SESTD1: variants seen among roughly 807,000 people sequenced by gnomAD.
SESTD1 encodes the protein SEC14 domain and spectrin repeat-containing protein 1.
A neutral mutation model predicts 101.7 loss-of-function variants in SESTD1; 43 were observed. The ratio of observed to expected loss-of-function variants is 0.42; its 90% CI spans 0.33 to 0.55. The LOEUF is 0.55. Ranked by LOEUF, SESTD1 falls within the 20% of genes least tolerant of loss-of-function variation. The pLI, the probability that SESTD1 is intolerant of heterozygous loss-of-function variation, is 0.07. For missense variants in SESTD1, 647 were observed against 815.1 expected (o/e 0.79, Z 2.51); for synonymous variants, 283 against 286.8 (o/e 0.99, Z 0.13).
At chr2:179,116,091 T>C (rs1426101800) in intron 15 of SESTD1, among the ~76,000 whole-genome samples, 1 of 152,052 alleles carries the variant, frequency 6.6e-6, no homozygotes, top group South Asian at 2.1e-4. Flanking sequence ...CTGGCCAACA[T>C]GGTGAAACCC....
At position 179,129,354 on chromosome 2, in the gene SESTD1, A is replaced by C. The variant is rs1295596408; in HGVS notation, c.972+2950T>G. Among the ~76,000 whole-genome samples, 8 of 152,348 alleles carry C rather than the reference A, an allele frequency of 5.3e-5. No homozygotes were observed. The East Asian group carries it at 1.5e-3, about 29-fold the overall frequency. ...CTAAACTGCTTTTAAATTTATTGTCAGTTACTATAACCATTTTCATGTACC... is the reference window on the plus strand; with the variant it reads ...CTAAACTGCTTTTAAATTTATTGTCCGTTACTATAACCATTTTCATGTACC... On this transcript the variant is annotated intron_variant, in intron 10 of 17. Transcript: ENST00000428443.
intron 1 of SESTD1, among the ~76,000 whole-genome samples, chr2:179,204,771 CAG>C (rs1401320453): frequency 7.4e-6 from 1 of 134,738 alleles, no homozygotes; most frequent in Non-Finnish European, 1.6e-5. Flanking sequence ...ACACAGTAAA[CAG>C]GGCAAATAAA....
chr2:179,195,112 T>C (rs1267681909), intron 1 of SESTD1, among the ~76,000 whole-genome samples: 3 of 152,216 alleles, frequency 2.0e-5, no homozygotes, highest in Admixed American at 6.5e-5. Context: ...CTTCTCCAAG[T>C]AAGTGTTCTT....
chr2:179,124,216 A>C, intron 11 of SESTD1, 148 bp downstream of exon 11: 1 of 741,316 alleles, frequency 1.3e-6, no homozygotes. Context: ...AAAAAAAATC[A>C]AAGAATTTTA....
intron 1 of SESTD1, among the ~76,000 whole-genome samples, chr2:179,231,718 TAAAA>T (rs35589081): frequency 9.7e-6 from 1 of 103,010 alleles, no homozygotes; most frequent in Admixed American, 9.9e-5. Context: ...ACCAAAAAGC[TAAAA>T]AAAAAAAAAA....
At chr2:179,163,488 A>G (rs2045778331) in intron 5 of SESTD1, among the ~76,000 whole-genome samples, 1 of 151,708 alleles carries the variant, frequency 6.6e-6, no homozygotes, top group South Asian at 2.1e-4. Flanking sequence ...TCTCAAATCT[A>G]TCCTCACATT....
intron 5 of SESTD1, among the ~76,000 whole-genome samples, chr2:179,165,886 G>C (rs2045825284): frequency 2.6e-5 from 4 of 152,284 alleles, no homozygotes; most frequent in Middle Eastern, 6.8e-3. Context: ...AAAGAGCATG[G>C]CTCCAACTCT....
chr2:179,142,630 T>A (rs2045304918), intron 9 of SESTD1, among the ~76,000 whole-genome samples: 1 of 152,210 alleles, frequency 6.6e-6, no homozygotes, highest in Non-Finnish European at 1.5e-5. Context: ...TGATTTACCA[T>A]GCTACTCTTC....
rs1356845622 is a variant in SESTD1, at chr2:179,212,379, G to A, written c.-25-20513C>T. Among the ~76,000 whole-genome samples the A allele has an allele frequency of 4.4e-5, 6 of 136,362 alleles. 1 individual carries two copies. Among genetic ancestry groups the A allele is most frequent in the Admixed American group, 3.6e-4 (5 of 14,060 alleles). 89.5% of individuals were successfully genotyped at this position (136,362 alleles called of 152,430 possible). ...CTGGTTCAGCAGGTCCCATGCCCAC[G>A]GAGCTTGCTCACTGCTAGCGCAGCA... On this transcript the variant is annotated intron_variant, in intron 1 of 17. Transcript: ENST00000428443.
At chr2:179,145,683 C>T (rs1369733586) in intron 8 of SESTD1, among the ~76,000 whole-genome samples, 2 of 152,108 alleles carry the variant, frequency 1.3e-5, no homozygotes, top group African/African-American at 4.8e-5. Context: ...GTTTTTACAT[C>T]GATGATTATA....
chr2:179,234,182 T>C (rs2105541060), intron 1 of SESTD1, among the ~76,000 whole-genome samples: 1 of 152,290 alleles, frequency 6.6e-6, no homozygotes, highest in South Asian at 2.1e-4. Context: ...ACATCAGCTC[T>C]TCCACAACAT....
intron 5 of SESTD1, 70 bp from the exon 6 acceptor site, chr2:179,151,461 G>T: frequency 1.0e-6 from 1 of 959,750 alleles, no homozygotes; most frequent in Non-Finnish European, 1.5e-6. Context: ...TAACCAGGAG[G>T]TAAAATTAGG....
chr2:179,146,348 A>T lies in SESTD1; in HGVS notation c.637+54T>A, dbSNP rs1386560178. On this transcript the variant is annotated intron_variant, in intron 8 of 17. Transcript: ENST00000428443. Reference sequence around the variant, plus strand: ...TGAATTCATGTTTATTTAATGAACGAATCAATCCAATTGGTTTACTGGATT... The same window carrying T: ...TGAATTCATGTTTATTTAATGAACGTATCAATCCAATTGGTTTACTGGATT... 1.1e-5 allele frequency: 16 copies of T among 1,434,202 alleles called. 1 individual carries two copies. Among genetic ancestry groups the T allele is most frequent in the Non-Finnish European group, 1.6e-5 (16 of 1,022,114 alleles). 88.8% of individuals were successfully genotyped at this position (1,434,202 alleles called of 1,614,324 possible). A position where few individuals can be genotyped will look rare whatever the true frequency, so the allele number is the denominator to read the frequency against.
chr2:179,154,899 T>G lies in SESTD1; in HGVS notation c.370-3508A>C, dbSNP rs889197662. On this transcript the variant is annotated intron_variant, in intron 5 of 17. Coordinates refer to ENST00000428443, the MANE Select transcript of SESTD1 (RefSeq NM_178123.5). ...TAGTGCATAAGAAAGCCTCAGCAAA[T>G]TTCAAAGGAATATATAATATAACCA... 2.6e-5 allele frequency among the ~76,000 whole-genome samples: 4 copies of G among 152,192 alleles called. No individual in the cohort carries two copies. The South Asian group carries it at 8.3e-4, about 32-fold the overall frequency.
chr2:179,162,584 T>C (rs1163241573), intron 5 of SESTD1: 1 of 144,420 alleles, frequency 6.9e-6, no homozygotes, highest in East Asian at 2.0e-4. Context: ...TATTACTGAG[T>C]GTTCTTTCAT....
chr2:179,174,724 G>C (rs2045981500), intron 4 of SESTD1, among the ~76,000 whole-genome samples: 1 of 152,124 alleles, frequency 6.6e-6, no homozygotes. Flanking sequence ...GATTTGGGAG[G>C]CTGAAGCAGA....
intron 10 of SESTD1, among the ~76,000 whole-genome samples, chr2:179,125,416 G>A (rs1405450168): frequency 6.6e-6 from 1 of 152,140 alleles, no homozygotes; most frequent in African/African-American, 2.4e-5. Context: ...CCTTCCATCA[G>A]AATGACCTGT....
chr2:179,172,285 T>G (rs1406317800), intron 4 of SESTD1, 52 bp from the exon 5 acceptor site: 1 of 1,208,996 alleles, frequency 8.3e-7, no homozygotes, highest in Admixed American at 2.0e-5. Flanking sequence ...ATGAATAATT[T>G]ACTAAATTTA....
intron 16 of SESTD1, among the ~76,000 whole-genome samples, chr2:179,114,652 G>A (rs577204494): frequency 9.9e-5 from 15 of 151,874 alleles, no homozygotes; most frequent in African/African-American, 3.4e-4. Context: ...TTAATGTCCC[G>A]ACTTTATAAA....
Sources: allele counts gnomAD v4.1 joint callset (sites outside exome capture counted in the v4.1 genomes callset), GRCh38; gene constraint gnomAD v4.1.1; transcripts MANE v1.5; gene names NCBI Gene and HGNC (gene_info 2026-07-23, HGNC 2026-07-21).